Variants in PEBP4 observed in about 807,000 individuals in gnomAD.
The protein encoded by PEBP4 is phosphatidylethanolamine-binding protein 4.
Under a neutral mutation model 23.9 loss-of-function variants are expected in PEBP4, and 22 were observed. The ratio of observed to expected loss-of-function variants is 0.92; its 90% CI spans 0.66 to 1.31. The LOEUF (loss-of-function observed/expected upper bound fraction) is 1.31, where lower values mean the gene tolerates loss of function less well. PEBP4 is among the 40% of genes most tolerant of loss of function. The pLI is 0.00. For synonymous variants in PEBP4, 112 were observed against 99.3 expected, an observed-to-expected ratio of 1.13 and a Z score of -0.76; for missense variants, 324 against 281.7, an observed-to-expected ratio of 1.15 and a Z score of -1.07.
In PEBP4 at chr8:22,840,890, A is replaced by G. The variant is rs375095382; in HGVS notation, c.259-23155T>C. 3.2e-4 allele frequency among the ~76,000 whole-genome samples: 49 copies of G among 152,302 alleles called. No homozygotes were observed. The South Asian group carries it at 0.01, about 32-fold the overall frequency. ...CTGAGTGCATGAACAAAATACAGGAAATATATAACTAATGGTACCAATTGC... is the reference window on the plus strand; with the variant it reads ...CTGAGTGCATGAACAAAATACAGGAGATATATAACTAATGGTACCAATTGC... On this transcript the variant is annotated intron_variant, in intron 3 of 6. Transcript: ENST00000256404.
At chr8:22,864,972 G>A (rs1563242055) in intron 3 of PEBP4, among the ~76,000 whole-genome samples, 1 of 152,198 alleles carries the variant, frequency 6.6e-6, no homozygotes, top group Non-Finnish European at 1.5e-5. Context: ...GCCACTAGGG[G>A]GCAGGAGTGC....
chr8:22,763,023 G>A (rs1402062103), intron 4 of PEBP4, among the ~76,000 whole-genome samples: 2 of 144,662 alleles, frequency 1.4e-5, no homozygotes, highest in African/African-American at 5.2e-5. Flanking sequence ...TTTTTTTTTT[G>A]AGATCGGGTC....
rs1046939687 is a variant in PEBP4, at chr8:22,865,829, G to A, written c.259-48094C>T. Among the ~76,000 whole-genome samples, 1 of 152,178 alleles carries A rather than the reference G, an allele frequency of 6.6e-6. No individual in the cohort carries two copies. The highest frequency in any genetic ancestry group is 2.4e-5 in the African/African-American group (1 of 41,452). The stretch of plus-strand genomic sequence containing the variant: ...CGGCGCCTAGAGGGACCCCCACCCC[G>A]GGCTCGAACTCCCGACAAGACTGAG... On this transcript the variant is annotated intron_variant, in intron 3 of 6. Coordinates refer to ENST00000256404, the MANE Select transcript of PEBP4 (RefSeq NM_144962.3). This position sits in a 1 kb window ranked among gnomAD's most constrained non-coding sequence, Gnocchi z 6.9.
At chr8:22,889,608 T>C (rs1007015045) in intron 3 of PEBP4, among the ~76,000 whole-genome samples, 1 of 152,204 alleles carries the variant, frequency 6.6e-6, no homozygotes, top group Non-Finnish European at 1.5e-5. Context: ...AGCCTCGTTT[T>C]GGGCAAATTG....
At chr8:22,719,662 G>T (rs1025041394) in intron 6 of PEBP4, among the ~76,000 whole-genome samples, 1 of 152,224 alleles carries the variant, frequency 6.6e-6, no homozygotes, top group Non-Finnish European at 1.5e-5. Flanking sequence ...AAGTCAAATG[G>T]CTGTTAACTG....
intron 3 of PEBP4, among the ~76,000 whole-genome samples, chr8:22,855,994 G>T (rs1041931506): frequency 1.5e-5 from 2 of 131,930 alleles, no homozygotes; most frequent in African/African-American, 5.7e-5. Context: ...AGGCTGCAGT[G>T]AACCATATTT....
chr8:22,736,167 C>T (rs1804856317), intron 4 of PEBP4, among the ~76,000 whole-genome samples: 1 of 152,164 alleles, frequency 6.6e-6, no homozygotes, highest in Non-Finnish European at 1.5e-5. Context: ...CTGGCTGAGC[C>T]ACAGGAAATT....
chr8:22,810,598 G>GC (rs1378044648), intron 4 of PEBP4, among the ~76,000 whole-genome samples: 1 of 151,736 alleles, frequency 6.6e-6, no homozygotes, highest in African/African-American at 2.4e-5. Context: ...GCCACCAGCT[G>GC]CCCCCTCAGA....
At chr8:22,872,600 G>A (rs980349479) in intron 3 of PEBP4, among the ~76,000 whole-genome samples, 7 of 152,214 alleles carry the variant, frequency 4.6e-5, no homozygotes, top group Non-Finnish European at 1.0e-4. Flanking sequence ...CTTAAATGAT[G>A]AAGGCACTGC....
intron 4 of PEBP4, among the ~76,000 whole-genome samples, chr8:22,807,794 C>T (rs1806529979): frequency 6.6e-6 from 1 of 152,048 alleles, no homozygotes; most frequent in South Asian, 2.1e-4. Flanking sequence ...CAAACCTCCA[C>T]CTCCATCCAT....
intron 3 of PEBP4, among the ~76,000 whole-genome samples, chr8:22,859,257 G>A (rs1032426827): frequency 3.9e-5 from 6 of 152,202 alleles, no homozygotes; most frequent in African/African-American, 1.4e-4. Flanking sequence ...GAAAGTCAAA[G>A]ATGGAAAATC....
At chr8:22,888,210 G>A (rs1808423520) in intron 3 of PEBP4, among the ~76,000 whole-genome samples, 1 of 148,440 alleles carries the variant, frequency 6.7e-6, no homozygotes, top group Non-Finnish European at 1.5e-5. Flanking sequence ...CTGGAGTGCA[G>A]TGGTATGATC....
chr8:22,883,789 C>T (rs779781275), intron 3 of PEBP4, among the ~76,000 whole-genome samples: 3 of 152,160 alleles, frequency 2.0e-5, no homozygotes, highest in Admixed American at 1.3e-4. Flanking sequence ...TTCTGTATAT[C>T]ACAGGGCCTC....
intron 3 of PEBP4, among the ~76,000 whole-genome samples, chr8:22,857,141 G>A (rs1249724141): frequency 3.9e-5 from 6 of 152,082 alleles, no homozygotes. Flanking sequence ...ATCTTTTAGT[G>A]TGGGAGTAGG....
At chr8:22,766,225 G>A (rs1160221165) in intron 4 of PEBP4, among the ~76,000 whole-genome samples, 1 of 152,218 alleles carries the variant, frequency 6.6e-6, no homozygotes, top group Non-Finnish European at 1.5e-5. Flanking sequence ...CTTCAGGGTC[G>A]GGTAGACCCG....
chr8:22,812,594 C>T (rs527331318), intron 4 of PEBP4, among the ~76,000 whole-genome samples: 1 of 152,254 alleles, frequency 6.6e-6, no homozygotes, highest in African/African-American at 2.4e-5. Context: ...GGAAACTGCA[C>T]AAATATCAGT....
intron 4 of PEBP4, among the ~76,000 whole-genome samples, chr8:22,758,815 G>A (rs1043246686): frequency 2.6e-5 from 4 of 152,204 alleles, no homozygotes; most frequent in South Asian, 2.1e-4. Context: ...GGTGGACAGC[G>A]CTTTCCTAGG....
chr8:22,746,707 T>G (rs1805127251), intron 4 of PEBP4, among the ~76,000 whole-genome samples: 1 of 152,096 alleles, frequency 6.6e-6, no homozygotes, highest in Non-Finnish European at 1.5e-5. Context: ...GAGAACAGAT[T>G]TCTTCTGACC....
At chr8:22,774,167 G>A (rs1805770699) in intron 4 of PEBP4, among the ~76,000 whole-genome samples, 2 of 152,186 alleles carry the variant, frequency 1.3e-5, no homozygotes, top group Non-Finnish European at 2.9e-5. Context: ...GCTTGAACTG[G>A]ATCTGCCTCT....
Sources: allele counts gnomAD v4.1 joint callset (sites outside exome capture counted in the v4.1 genomes callset), GRCh38; gene constraint gnomAD v4.1.1; non-coding constraint Gnocchi (gnomAD v3.1); transcripts MANE v1.5; gene names NCBI Gene and HGNC (gene_info 2026-07-23, HGNC 2026-07-21).